Variants in ESCO1 observed in about 807,000 individuals in gnomAD.
ESCO1 encodes the protein establishment of sister chromatid cohesion N-acetyltransferase 1.
ESCO1 carries 33 observed loss-of-function variants against 83.5 expected under a neutral mutation model. The ratio of observed to expected loss-of-function variants is 0.40; its 90% confidence interval spans 0.30 to 0.53. The LOEUF is 0.53. ESCO1 is among the 20% of genes least tolerant of loss of function. The pLI is 0.63. For missense variants in ESCO1, 855 were observed against 968.0 expected, an observed-to-expected ratio of 0.88 and a Z score of 1.55; for synonymous variants, 332 against 324.3, an observed-to-expected ratio of 1.02 and a Z score of -0.25.
intron 8 of ESCO1, among the ~76,000 whole-genome samples, chr18:21,558,726 CAAA>C (rs59435992): frequency 1.0e-4 from 9 of 87,736 alleles, no homozygotes; most frequent in Admixed American, 1.2e-4. Context: ...GACTCTGCCT[CAAA>C]AAAAAAAAAA....
At chr18:21,560,025 G>C (rs993725247) in intron 8 of ESCO1, among the ~76,000 whole-genome samples, 2 of 151,930 alleles carry the variant, frequency 1.3e-5, no homozygotes, top group Non-Finnish European at 2.9e-5. Flanking sequence ...CTAGTATCTG[G>C]TACCTATATA....
intron 1 of ESCO1, among the ~76,000 whole-genome samples, chr18:21,591,212 C>T (rs2038662871): frequency 6.6e-6 from 1 of 152,086 alleles, no homozygotes; most frequent in African/African-American, 2.4e-5. Context: ...GCACAGATAT[C>T]CTTGTAAGAG....
chr18:21,597,125 G>C (rs2038778312), intron 1 of ESCO1: 1 of 152,146 alleles, frequency 6.6e-6, no homozygotes, highest in African/African-American at 2.4e-5. Flanking sequence ...TAACCTTTAA[G>C]AAATTACCAC....
rs2037884356 is a variant in ESCO1, at chr18:21,540,016, AT to A, written c.1954-8del. ...TTCTTTCTTTCTTCCAGCCCTAGATATATATATATATATATACACACATATG... is the reference window on the plus strand; with the variant it reads ...TTCTTTCTTTCTTCCAGCCCTAGATAATATATATATATATACACACATATG... On this transcript the variant is annotated splice_polypyrimidine_tract_variant and splice_region_variant and intron_variant, in intron 8 of 11. Coordinates refer to ENST00000269214, the MANE Select transcript of ESCO1 (RefSeq NM_052911.3). 2 of 651,404 alleles carry A rather than the reference AT, an allele frequency of 3.1e-6. No individual in the cohort carries two copies. The highest frequency in any genetic ancestry group is 1.1e-4 in the East Asian group (1 of 9,260). The allele number at this position is 651,404 out of a possible 1,614,324, so 40.4% of individuals were successfully genotyped here. A position where few individuals can be genotyped will look rare whatever the true frequency, so the allele number is the denominator to read the frequency against.
At chr18:21,580,872 C>A (rs1315523538) in intron 2 of ESCO1, among the ~76,000 whole-genome samples, 3 of 152,108 alleles carry the variant, frequency 2.0e-5, no homozygotes, top group African/African-American at 7.2e-5. Context: ...TGTCTGTAAT[C>A]CCAGCTACTT....
chr18:21,539,424 A>G (rs1009505697), intron 9 of ESCO1, among the ~76,000 whole-genome samples: 4 of 152,198 alleles, frequency 2.6e-5, no homozygotes, highest in Non-Finnish European at 4.4e-5. Context: ...GTTCATTTAG[A>G]ATTCATATAC....
intron 8 of ESCO1, 104 bp downstream of exon 8, chr18:21,560,755 A>C: frequency 2.1e-6 from 3 of 1,416,800 alleles, no homozygotes; most frequent in Non-Finnish European, 2.8e-6. Context: ...ATTATCTCTT[A>C]AAAACATAAA....
intron 1 of ESCO1, among the ~76,000 whole-genome samples, chr18:21,590,619 G>A (rs1474554693): frequency 2.0e-5 from 3 of 151,552 alleles, no homozygotes; most frequent in Non-Finnish European, 4.4e-5. Context: ...AATTGAATTT[G>A]TATTTAATTT....
At chr18:21,548,119 AG>A (rs1164877475) in intron 8 of ESCO1, among the ~76,000 whole-genome samples, 1 of 151,926 alleles carries the variant, frequency 6.6e-6, no homozygotes, top group East Asian at 1.9e-4. Flanking sequence ...AAAAAGAAAA[AG>A]AAAAGTTATT....
At chr18:21,551,172 T>C (rs1298201370) in intron 8 of ESCO1, among the ~76,000 whole-genome samples, 2 of 139,056 alleles carry the variant, frequency 1.4e-5, no homozygotes, top group African/African-American at 5.4e-5. Flanking sequence ...TGAAAATGTA[T>C]AGAAACACAA....
At chr18:21,592,540 TG>T (rs2038691044) in intron 1 of ESCO1, among the ~76,000 whole-genome samples, 1 of 135,546 alleles carries the variant, frequency 7.4e-6, no homozygotes, top group South Asian at 2.5e-4. Flanking sequence ...ACAGGGCGGC[TG>T]GCCGGGCGGG....
At chr18:21,564,119 C>T (rs570880042) in intron 7 of ESCO1, 84 bp downstream of exon 7, 4 of 893,668 alleles carry the variant, frequency 4.5e-6, no homozygotes, top group South Asian at 1.6e-5. Context: ...AATTACCAAC[C>T]TCAGATATCG....
chr18:21,547,770 A>G (rs956171938), intron 8 of ESCO1, among the ~76,000 whole-genome samples: 1 of 152,216 alleles, frequency 6.6e-6, no homozygotes, highest in Non-Finnish European at 1.5e-5. Flanking sequence ...GAAAATGCTT[A>G]TTGGGATAAG....
At chr18:21,582,928 C>A (rs879260445) in intron 2 of ESCO1, among the ~76,000 whole-genome samples, 6 of 152,254 alleles carry the variant, frequency 3.9e-5, no homozygotes, top group Non-Finnish European at 5.9e-5. Context: ...TGATGGCTCA[C>A]ACCTGTAATC....
At position 21,560,836 on chromosome 18, in the gene ESCO1, T is replaced by C. The variant is rs776531595; in HGVS notation, c.1953+23A>G. On this transcript the variant is annotated intron_variant, in intron 8 of 11. Coordinates refer to ENST00000269214, the MANE Select transcript of ESCO1 (RefSeq NM_052911.3). ...ACCTAATTATCTGATTTTTGCATTT[T>C]AGAATTCACAAATTCCACTTACCAC... 17 of 1,594,438 alleles carry C rather than the reference T, an allele frequency of 1.1e-5. No individual in the cohort carries two copies. In the South Asian group the frequency reaches 1.5e-4, roughly 14 times the overall value.
intron 5 of ESCO1, among the ~76,000 whole-genome samples, chr18:21,567,672 G>A (rs780633346): frequency 5.3e-5 from 8 of 152,134 alleles, no homozygotes; most frequent in African/African-American, 7.2e-5. Flanking sequence ...GAAATAAGCT[G>A]CTACCACTAT....
chr18:21,538,360 C>T (rs977845399), intron 9 of ESCO1, among the ~76,000 whole-genome samples: 9 of 150,842 alleles, frequency 6.0e-5, no homozygotes, highest in Non-Finnish European at 1.3e-4. Context: ...ATAACTACTA[C>T]ACTGTTCGTG....
chr18:21,545,863 G>T (rs1382804075), intron 8 of ESCO1, among the ~76,000 whole-genome samples: 1 of 152,160 alleles, frequency 6.6e-6, no homozygotes, highest in East Asian at 1.9e-4. Context: ...CCAGGAGGCG[G>T]AGGCTGCAGT....
intron 10 of ESCO1, among the ~76,000 whole-genome samples, chr18:21,533,480 G>C (rs1485688583): frequency 6.6e-6 from 1 of 152,060 alleles, no homozygotes; most frequent in Non-Finnish European, 1.5e-5. Flanking sequence ...ATTTTTAGTA[G>C]AGATGGGGTT....
Sources: allele counts gnomAD v4.1 joint callset (sites outside exome capture counted in the v4.1 genomes callset), GRCh38; gene constraint gnomAD v4.1.1; transcripts MANE v1.5; gene names NCBI Gene and HGNC (gene_info 2026-07-23, HGNC 2026-07-21).